The following OPA3 variants were observed in gnomAD, a reference collection of about 807,000 sequenced individuals.
OPA3 encodes the protein optic atrophy 3 protein.
Under a neutral mutation model 4.0 loss-of-function variants are expected in OPA3, and 6 were observed. That is an observed-to-expected ratio of 1.51 (90% confidence interval 0.83 to 2.99). The LOEUF (loss-of-function observed/expected upper bound fraction) is 2.99. OPA3 is among the 30% of genes most tolerant of loss of function. OPA3 has a pLI of 0.00. For missense variants in OPA3, 235 were observed against 256.2 expected (o/e 0.92, Z 0.56); for synonymous variants, 105 against 117.1 (o/e 0.90, Z 0.67).
downstream of OPA3, among the ~76,000 whole-genome samples, chr19:45,542,384 C>T (rs1969195173): frequency 1.3e-5 from 2 of 152,172 alleles, no homozygotes; most frequent in African/African-American, 4.8e-5. Context: ...GCAAACATCA[C>T]AGAGTGGGCT....
chr19:45,544,291 C>A (rs1310844499), downstream of OPA3, among the ~76,000 whole-genome samples: 2 of 152,178 alleles, frequency 1.3e-5, no homozygotes, highest in Non-Finnish European at 1.5e-5. Context: ...GAGGAAACAA[C>A]CCCAACGTTC....
At chr19:45,529,489 G>T (rs764240272) in intron 1 of OPA3, 1 of 1,613,828 alleles carries the variant, frequency 6.2e-7, no homozygotes, top group Non-Finnish European at 8.5e-7. Context: ...GGGGTCTTTT[G>T]CAGGGCAGCC....
At chr19:45,572,598 G>GATATATGTATATAAAT (rs1969696874) in intron 1 of OPA3, among the ~76,000 whole-genome samples, 1 of 94,082 alleles carries the variant, frequency 1.1e-5, no homozygotes. Context: ...TATATATATT[G>GATATATGTATATAAAT]ATATATATCA....
rs1449318590 is a variant in OPA3 at position 45,548,485 on chromosome 19, C to T, written c.*5029G>A. The T allele has an allele frequency of 2.0e-6, 2 of 985,344 alleles. No homozygotes were observed. Among genetic ancestry groups the T allele is most frequent in the Admixed American group, 1.2e-4 (2 of 16,264 alleles). 61.0% of individuals were successfully genotyped at this position (985,344 alleles called of 1,614,324 possible). On this transcript the variant is annotated 3_prime_UTR_variant, in exon 2 of 2. Coordinates refer to ENST00000263275, the MANE Select transcript of OPA3 (RefSeq NM_025136.4). Reference sequence around the variant, plus strand: ...GAGGATTCCGGATTCAGCCCAGCCCCTGCTTCCTAAACAACTATGGGGTGG... The same window carrying T: ...GAGGATTCCGGATTCAGCCCAGCCCTTGCTTCCTAAACAACTATGGGGTGG...
intron 1 of OPA3, among the ~76,000 whole-genome samples, chr19:45,574,390 C>G (rs533950799): frequency 5.3e-4 from 65 of 123,378 alleles, no homozygotes; most frequent in African/African-American, 1.8e-3. Flanking sequence ...GAGCAAGACT[C>G]TGTCTCAAAA....
At chr19:45,584,415 T>C in intron 1 of OPA3, 2 of 985,364 alleles carry the variant, frequency 2.0e-6, no homozygotes, top group Non-Finnish European at 2.4e-6. Flanking sequence ...ACTCGCGTGG[T>C]GGCTCCTTGA....
intron 1 of OPA3, among the ~76,000 whole-genome samples, chr19:45,564,690 G>A (rs998117461): frequency 6.6e-6 from 1 of 152,192 alleles, no homozygotes; most frequent in Non-Finnish European, 1.5e-5. Context: ...AGACATCCCA[G>A]TGGCTCCCAG....
intron 1 of OPA3, among the ~76,000 whole-genome samples, chr19:45,539,906 C>T (rs1969164497): frequency 6.6e-6 from 1 of 152,094 alleles, no homozygotes; most frequent in Admixed American, 6.6e-5. Context: ...AATGGAGAGT[C>T]ACTGCAAATG....
At position 45,556,742 on chromosome 19, in the gene OPA3, C is replaced by A. The variant is rs141322612; in HGVS notation, c.143-2831G>T. Among the ~76,000 whole-genome samples the A allele has an allele frequency of 1.4e-4, 21 of 152,290 alleles. No homozygotes were observed. The East Asian group carries it at 3.9e-3, about 28-fold the overall frequency. ...GGAGCTGGAGGGAAGACCTGAGGTG[C>A]AAGCTTAGGGCCCGAGAAGTCACTG... On this transcript the variant is annotated intron_variant, in intron 1 of 1. Coordinates refer to ENST00000263275, the MANE Select transcript of OPA3 (RefSeq NM_025136.4).
chr19:45,559,625 A>T (rs1372923995), intron 1 of OPA3, among the ~76,000 whole-genome samples: 1 of 149,622 alleles, frequency 6.7e-6, no homozygotes, highest in African/African-American at 2.5e-5. Context: ...CTGGTCTCGA[A>T]CTCCTGACCT....
In OPA3 at chr19:45,584,620, C is replaced by G. The variant is rs1184785977; in HGVS notation, c.142+3G>C. 6.2e-7 allele frequency: 1 copy of G among 1,614,202 alleles called. No individual in the cohort carries two copies. Among genetic ancestry groups the G allele is most frequent in the South Asian group, 1.1e-5 (1 of 91,084 alleles). On this transcript the variant is annotated splice_donor_region_variant and intron_variant, in intron 1 of 1. Coordinates refer to ENST00000263275, the MANE Select transcript of OPA3 (RefSeq NM_025136.4). ...GGTTGGAGGGAATTCGGGTCAGACTCACGTTGAGCCGGCGGGAGGCAGATA... is the reference window on the plus strand; with the variant it reads ...GGTTGGAGGGAATTCGGGTCAGACTGACGTTGAGCCGGCGGGAGGCAGATA...
intron 1 of OPA3, among the ~76,000 whole-genome samples, chr19:45,555,559 C>T (rs562651957): frequency 2.6e-5 from 4 of 151,742 alleles, no homozygotes; most frequent in East Asian, 3.9e-4. Context: ...GGCGCGATCT[C>T]GGCTCACTGC....
chr19:45,561,024 G>A (rs1312574097), intron 1 of OPA3, among the ~76,000 whole-genome samples: 2 of 152,176 alleles, frequency 1.3e-5, no homozygotes, highest in Non-Finnish European at 2.9e-5. Context: ...GGGGACCGGG[G>A]CTCGGGAGCT....
rs76467278 is a variant in OPA3 at position 45,562,536 on chromosome 19, AAG to A, written c.143-8627_143-8626del. 8.2e-3 allele frequency among the ~76,000 whole-genome samples: 681 copies of A among 83,410 alleles called. 2 individuals are homozygous for A. The highest frequency in any genetic ancestry group is 0.029 in the African/African-American group (564 of 19,586). 54.7% of individuals were successfully genotyped at this position (83,410 alleles called of 152,430 possible). On this transcript the variant is annotated intron_variant, in intron 1 of 1. Coordinates refer to ENST00000263275, the MANE Select transcript of OPA3 (RefSeq NM_025136.4). Reference sequence around the variant, plus strand: ...AAACCCTGTCTCTACTAAAAAAAAAAAGATTAGCTGGGTGTGATGGCGCACGC... The same window carrying A: ...AAACCCTGTCTCTACTAAAAAAAAAAATTAGCTGGGTGTGATGGCGCACGC...
At chr19:45,539,933 T>G (rs1438831448) in intron 1 of OPA3, among the ~76,000 whole-genome samples, 1 of 152,150 alleles carries the variant, frequency 6.6e-6, no homozygotes, top group Non-Finnish European at 1.5e-5. Context: ...AGGGATCTTT[T>G]GGAGATGATG....
intron 1 of OPA3, among the ~76,000 whole-genome samples, chr19:45,537,296 C>T (rs531292224): frequency 6.4e-5 from 9 of 139,874 alleles, no homozygotes; most frequent in African/African-American, 2.4e-4. Flanking sequence ...ACTCAGCAGG[C>T]TGAGCGAGGA....
chr19:45,553,834 C>T lies in OPA3; in HGVS notation c.220G>A (p.Glu74Lys). 6 of 1,613,148 alleles carry T rather than the reference C, an allele frequency of 3.7e-6. No homozygotes were observed. Among genetic ancestry groups the T allele is most frequent in the Non-Finnish European group, 3.4e-6 (4 of 1,179,550 alleles). ...RGTVIKPLNEEAAAELGAELL... is the reference protein window; with the variant it reads ...RGTVIKPLNEKAAAELGAELL... ...TCTGCGCCCAGCTCAGCTGCCGCCTCCTCGTTCAGCGGCTTGATGACCGTG... is the reference window on the plus strand; with the variant it reads ...TCTGCGCCCAGCTCAGCTGCCGCCTTCTCGTTCAGCGGCTTGATGACCGTG... Residue 74 changes from glutamate to lysine, a missense_variant, in exon 2 of 2, where the codon GAG (glutamate) becomes AAG (lysine). Transcript: ENST00000263275.
rs55819747 is a variant in OPA3, at chr19:45,576,545, C to G, written c.142+8078G>C. Among the ~76,000 whole-genome samples, 154 of 145,642 alleles carry G rather than the reference C, an allele frequency of 1.1e-3. 5 individuals carry two copies. In the South Asian group the frequency reaches 0.012, roughly 11 times the overall value. ...AAGAATGAAACTCCATCCCCCCCCC[C>G]CCAAAAAAAAAAGTCCAAAATGGCT... On this transcript the variant is annotated intron_variant, in intron 1 of 1. Transcript: ENST00000263275.
At chr19:45,545,180 A>AAAAAAAC (rs1969234122), downstream of OPA3, among the ~76,000 whole-genome samples, 1 of 138,658 alleles carries the variant, frequency 7.2e-6, no homozygotes, top group Non-Finnish European at 1.5e-5. Context: ...AAAAAAAAAC[A>AAAAAAAC]AAAAAACAAA....
Sources: gnomAD v4.1 joint callset for allele counts (sites outside exome capture counted in the v4.1 genomes callset) on GRCh38, gnomAD v4.1.1 for gene constraint, MANE v1.5 for transcripts, NCBI Gene and HGNC (gene_info 2026-07-23, HGNC 2026-07-21) for gene names.